Variants in MTNAP1 observed in about 807,000 individuals in gnomAD.
MTNAP1 encodes mitochondrial nucleoid-associated protein 1.
At chr17:73,235,730 T>C in the MTNAP1 span, 9 of 1,613,916 alleles carry the variant, frequency 5.6e-6, no homozygotes, top group Non-Finnish European at 7.6e-6. Context: ...AAGTTGGTGG[T>C]GGACAAACCA....
the MTNAP1 span, chr17:73,232,585 A>G: frequency 2.6e-6 from 1 of 377,952 alleles, no homozygotes; most frequent in Middle Eastern, 6.7e-4. Context: ...AACATATTTT[A>G]AAACAGGCGG....
chr17:73,236,226 TGA>T, the MTNAP1 span: 2 of 1,614,194 alleles, frequency 1.2e-6, no homozygotes, highest in Non-Finnish European at 1.7e-6. Flanking sequence ...TATTAAGCAA[TGA>T]GAGAGATTCC....
the MTNAP1 span, among the ~76,000 whole-genome samples, chr17:73,237,536 A>G: frequency 6.6e-6 from 1 of 152,306 alleles, no homozygotes; most frequent in South Asian, 2.1e-4. Context: ...TGAGGGTTAC[A>G]CTAGGGCAGG....
chr17:73,237,081 A>G, the MTNAP1 span: 2 of 1,263,950 alleles, frequency 1.6e-6, no homozygotes, highest in Admixed American at 2.8e-5. Flanking sequence ...AAATACTAAC[A>G]TTTTCAGTCA....
the MTNAP1 span, chr17:73,236,124 G>T: frequency 6.2e-7 from 1 of 1,614,082 alleles, no homozygotes; most frequent in Non-Finnish European, 8.5e-7. Context: ...CCCAAAGACA[G>T]GAACTTCTAG....
the MTNAP1 span, chr17:73,245,699 G>A: frequency 2.0e-6 from 2 of 985,278 alleles, no homozygotes; most frequent in Admixed American, 1.2e-4. Flanking sequence ...AGAAACACAA[G>A]AGCTAAGGAT....
the MTNAP1 span, chr17:73,236,100 G>C: frequency 6.2e-7 from 1 of 1,614,010 alleles, no homozygotes; most frequent in Non-Finnish European, 8.5e-7. Context: ...ATCTCAAATT[G>C]GACAAAATTG....
the MTNAP1 span, among the ~76,000 whole-genome samples, chr17:73,239,136 G>A: frequency 3.3e-5 from 5 of 151,940 alleles, no homozygotes; most frequent in East Asian, 7.8e-4. Context: ...GGGTTTCTCC[G>A]TGTTGGTCAG....
At chr17:73,243,088 T>TG in the MTNAP1 span, 438,257 of 993,544 alleles carry the variant, frequency 0.44, 70,668 homozygotes, top group East Asian at 0.5. Context: ...TTTTTTTTTT[T>TG]TTTTTTTTTT....
At chr17:73,236,591 A>G in the MTNAP1 span, 23 of 1,614,246 alleles carry the variant, frequency 1.4e-5, no homozygotes, top group Middle Eastern at 3.3e-4. Flanking sequence ...TCTGTATCGC[A>G]GTCAAGTAGT....
the MTNAP1 span, among the ~76,000 whole-genome samples, chr17:73,246,367 C>CAA: frequency 0.02 from 3,054 of 149,440 alleles, 110 homozygotes; most frequent in African/African-American, 0.07. Flanking sequence ...TCCATCTCTA[C>CAA]AAAAAAAAAA....
At chr17:73,245,071 A>G in the MTNAP1 span, 17 of 1,198,376 alleles carry the variant, frequency 1.4e-5, no homozygotes, top group Non-Finnish European at 1.7e-5. Flanking sequence ...TTCTAAACTT[A>G]TAAAACAAAA....
At chr17:73,245,413 C>T in the MTNAP1 span, 1 of 1,205,296 alleles carries the variant, frequency 8.3e-7, no homozygotes, top group East Asian at 3.5e-5. Context: ...TCTTGGCTTG[C>T]TCTCAGGAGC....
chr17:73,245,388 G>T, the MTNAP1 span: 1 of 1,246,510 alleles, frequency 8.0e-7, no homozygotes, highest in African/African-American at 1.5e-5. Flanking sequence ...GACAGATCTG[G>T]TTCTGTCTGG....
At chr17:73,235,789 G>T in the MTNAP1 span, 4 of 1,614,126 alleles carry the variant, frequency 2.5e-6, no homozygotes, top group Non-Finnish European at 3.4e-6. Context: ...TTTGGAAAGA[G>T]CAGCTACTAC....
chr17:73,247,204 T>C, the MTNAP1 span: 251 of 1,596,080 alleles, frequency 1.6e-4, 1 homozygote, highest in African/African-American at 2.9e-3. Flanking sequence ...CCATATGCCC[T>C]GAAAAGCTGA....
chr17:73,245,624 A>G, the MTNAP1 span: 1 of 985,424 alleles, frequency 1.0e-6, no homozygotes, highest in Non-Finnish European at 1.2e-6. Context: ...GGCAGAAAAT[A>G]AGCCCACATC....
At chr17:73,247,345 G>A in the MTNAP1 span, 1 of 1,614,116 alleles carries the variant, frequency 6.2e-7, no homozygotes, top group East Asian at 2.2e-5. Flanking sequence ...GGATTAGGAA[G>A]CACGTTTAAG....
the MTNAP1 span, chr17:73,245,694 C>T: frequency 3.0e-6 from 3 of 985,388 alleles, no homozygotes; most frequent in Non-Finnish European, 3.6e-6. Context: ...GTGTGAGAAA[C>T]ACAAGAGCTA....
Sources: allele counts gnomAD v4.1 joint callset (sites outside exome capture counted in the v4.1 genomes callset), GRCh38; gene constraint gnomAD v4.1.1; transcripts MANE v1.5; gene names NCBI Gene and HGNC (gene_info 2026-07-23, HGNC 2026-07-21).